ACSL3: variants seen among roughly 807,000 people sequenced by gnomAD.
ACSL3 encodes the protein fatty acid CoA ligase Acsl3.
ACSL3 carries 34 observed loss-of-function variants against 84.7 expected under a neutral mutation model. The observed-to-expected ratio is 0.40, with a 90% CI of 0.31 to 0.53. The LOEUF (loss-of-function observed/expected upper bound fraction) is 0.53. Ranked by LOEUF, ACSL3 falls within the 20% of genes least tolerant of loss-of-function variation. The pLI is 0.48. For missense variants in ACSL3, 680 were observed against 873.1 expected, an observed-to-expected ratio of 0.78 and a Z score of 2.79; for synonymous variants, 315 against 299.4, an observed-to-expected ratio of 1.05 and a Z score of -0.54.
chr2:222,919,013 G>A (rs776007640), intron 6 of ACSL3, 51 bp from the exon 7 acceptor site: 14 of 1,596,062 alleles, frequency 8.8e-6, no homozygotes, highest in African/African-American at 2.7e-5. Context: ...ATTCTTATTC[G>A]CTAAGCTGCT....
intron 2 of ACSL3, among the ~76,000 whole-genome samples, chr2:222,890,201 G>GT (rs1247902321): frequency 2.0e-5 from 3 of 151,866 alleles, no homozygotes; most frequent in Admixed American, 1.3e-4. Flanking sequence ...TCTTAACTTT[G>GT]TTTTTTTAGC....
At chr2:222,926,980 T>C in intron 11 of ACSL3, 37 bp from the exon 12 acceptor site, 1 of 1,597,090 alleles carries the variant, frequency 6.3e-7, no homozygotes, top group Non-Finnish European at 8.6e-7. Flanking sequence ...TCCCATTCAG[T>C]TTTAAAATCC....
At chr2:222,929,871 G>A (rs1183321584) in intron 13 of ACSL3, among the ~76,000 whole-genome samples, 1 of 150,922 alleles carries the variant, frequency 6.6e-6, no homozygotes, top group Non-Finnish European at 1.5e-5. Flanking sequence ...ATTTAGGCTT[G>A]GAGTCATTTT....
At chr2:222,935,177 C>T (rs867857743) in intron 16 of ACSL3, among the ~76,000 whole-genome samples, 6 of 151,996 alleles carry the variant, frequency 3.9e-5, no homozygotes, top group African/African-American at 1.2e-4. Flanking sequence ...ATAAAACAAG[C>T]GTGAATTATT....
At chr2:222,905,014 G>A (rs1471634913) in intron 3 of ACSL3, 4 of 152,656 alleles carry the variant, frequency 2.6e-5, no homozygotes, top group Admixed American at 2.6e-4. Context: ...GCCAGCAGCA[G>A]TTAAGGGAGG....
At position 222,928,937 on chromosome 2, in the gene ACSL3, GTAA is replaced by G. The variant is rs1312762917; in HGVS notation, c.1540+5_1540+7del. The G allele has an allele frequency of 6.2e-7, 1 of 1,611,054 alleles. No individual in the cohort carries two copies. Among genetic ancestry groups the G allele is most frequent in the East Asian group, 2.2e-5 (1 of 44,794 alleles). On this transcript the variant is annotated splice_donor_variant and splice_donor_region_variant and intron_variant, in intron 13 of 16. Transcript: ENST00000357430. LOFTEE classifies it high-confidence loss of function. ...ATCAAATTAAAAAACTGGGAGGAAG[GTAA>G]TAAACTATTTTAACCACAGAGCATT...
intron 2 of ACSL3, among the ~76,000 whole-genome samples, chr2:222,898,063 A>G (rs968530995): frequency 1.3e-5 from 2 of 152,224 alleles, no homozygotes; most frequent in African/African-American, 2.4e-5. Flanking sequence ...GTTTAAGGTC[A>G]GTGGAGACCT....
At chr2:222,932,512 A>G (rs1697059089) in intron 14 of ACSL3, among the ~76,000 whole-genome samples, 1 of 152,100 alleles carries the variant, frequency 6.6e-6, no homozygotes, top group African/African-American at 2.4e-5. Flanking sequence ...TATTTTTAGT[A>G]GAGTCGGGGT....
intron 3 of ACSL3, among the ~76,000 whole-genome samples, chr2:222,903,968 T>C (rs1696224925): frequency 6.6e-6 from 1 of 152,110 alleles, no homozygotes; most frequent in Admixed American, 6.5e-5. Context: ...TTTAATAAAC[T>C]TTTACCATTA....
At chr2:222,922,569 T>TCTCA in intron 8 of ACSL3, 139 bp from the exon 9 acceptor site, 28 of 1,023,280 alleles carry the variant, frequency 2.7e-5, no homozygotes, top group Middle Eastern at 3.3e-4. Flanking sequence ...TCTCTCTCTC[T>TCTCA]CACAAACACA....
At chr2:222,888,116 A>G (rs1266793124) in intron 2 of ACSL3, among the ~76,000 whole-genome samples, 3 of 152,206 alleles carry the variant, frequency 2.0e-5, no homozygotes, top group Non-Finnish European at 2.9e-5. Flanking sequence ...CTTGAATTTC[A>G]CTAAGTATCT....
intron 1 of ACSL3, among the ~76,000 whole-genome samples, chr2:222,872,261 A>T (rs1163582330): frequency 6.6e-6 from 1 of 152,014 alleles, no homozygotes; most frequent in East Asian, 1.9e-4. Flanking sequence ...AGTAGCTGGG[A>T]TTACAGGTGC....
At chr2:222,876,531 A>G (rs1480139263) in intron 1 of ACSL3, among the ~76,000 whole-genome samples, 1 of 152,090 alleles carries the variant, frequency 6.6e-6, no homozygotes, top group Non-Finnish European at 1.5e-5. Flanking sequence ...TATTTTGTCC[A>G]GGCTGGTCTT....
intron 3 of ACSL3, among the ~76,000 whole-genome samples, chr2:222,906,166 T>C (rs553964824): frequency 3.3e-5 from 5 of 152,336 alleles, no homozygotes; most frequent in African/African-American, 1.2e-4. Context: ...GTTAACTGAC[T>C]TGGCTGAGCT....
chr2:222,877,806 G>C (rs972264663), intron 1 of ACSL3, among the ~76,000 whole-genome samples: 2 of 152,166 alleles, frequency 1.3e-5, no homozygotes, highest in Non-Finnish European at 2.9e-5. Flanking sequence ...GTAGACAATT[G>C]GGAGCTGTGT....
intron 3 of ACSL3, among the ~76,000 whole-genome samples, chr2:222,905,593 A>G (rs1311642226): frequency 6.6e-6 from 1 of 152,220 alleles, no homozygotes; most frequent in African/African-American, 2.4e-5. Flanking sequence ...TAGGTGTAGC[A>G]AGACCGTTTG....
chr2:222,866,368 AT>A (rs937272380), intron 1 of ACSL3, among the ~76,000 whole-genome samples: 34 of 152,258 alleles, frequency 2.2e-4, no homozygotes, highest in African/African-American at 7.9e-4. Context: ...GATGGTCTTG[AT>A]CTTCTGACCT....
intron 1 of ACSL3, among the ~76,000 whole-genome samples, chr2:222,876,477 A>G (rs1232471840): frequency 6.6e-6 from 1 of 151,974 alleles, no homozygotes; most frequent in African/African-American, 2.4e-5. Flanking sequence ...GTGTGCCACC[A>G]TGGCCAGCCA....
chr2:222,885,567 A>C (rs1191919617), intron 1 of ACSL3, among the ~76,000 whole-genome samples: 12 of 152,154 alleles, frequency 7.9e-5, no homozygotes, highest in Admixed American at 7.9e-4. Context: ...TATGGATATG[A>C]ATTATATATA....
Sources: allele counts gnomAD v4.1 joint callset (sites outside exome capture counted in the v4.1 genomes callset), GRCh38; gene constraint gnomAD v4.1.1; transcripts MANE v1.5; gene names NCBI Gene and HGNC (gene_info 2026-07-23, HGNC 2026-07-21).